GBX1: variants seen among roughly 807,000 people sequenced by gnomAD.
The protein encoded by GBX1 is homeobox protein GBX-1.
A neutral mutation model predicts 22.9 loss-of-function variants in GBX1; 9 were observed. The observed-to-expected ratio is 0.39, with a 90% CI of 0.24 to 0.69. The LOEUF (loss-of-function observed/expected upper bound fraction) is 0.69. GBX1 is among the 30% of genes least tolerant of loss of function. GBX1 has a pLI of 0.43. For synonymous variants in GBX1, 203 were observed against 227.3 expected, an observed-to-expected ratio of 0.89 and a Z score of 0.96; for missense variants, 494 against 509.2, an observed-to-expected ratio of 0.97 and a Z score of 0.29.
At chr7:151,157,686 G>A (rs181469686) in intron 1 of GBX1, among the ~76,000 whole-genome samples, 302 of 152,188 alleles carry the variant, frequency 2.0e-3, no homozygotes, top group Non-Finnish European at 2.7e-3. Flanking sequence ...AGCAGTACCC[G>A]CTTCCTTTAG....
chr7:151,157,261 A>G (rs534944933), intron 1 of GBX1, among the ~76,000 whole-genome samples: 7 of 152,290 alleles, frequency 4.6e-5, no homozygotes, highest in African/African-American at 1.7e-4. Context: ...GCGCCACTGC[A>G]CTCCAGCCTG....
At chr7:151,150,251 T>G (rs745788029) in intron 1 of GBX1, among the ~76,000 whole-genome samples, 1 of 152,242 alleles carries the variant, frequency 6.6e-6, no homozygotes. Context: ...GCATTACACA[T>G]GTTTTCAGTG....
At chr7:151,154,981 AT>A (rs1265697332) in intron 1 of GBX1, among the ~76,000 whole-genome samples, 1 of 152,160 alleles carries the variant, frequency 6.6e-6, no homozygotes, top group Non-Finnish European at 1.5e-5. Flanking sequence ...GGACAACTTT[AT>A]GCTCCCAACT....
chr7:151,149,169 G>A (rs959243329), intron 1 of GBX1, 27 bp from the exon 2 acceptor site: 75 of 1,576,932 alleles, frequency 4.8e-5, no homozygotes, highest in Non-Finnish European at 6.4e-5. Flanking sequence ...GCCAATGGAT[G>A]GGGAGGGAGA....
chr7:151,162,177 G>A lies in GBX1; in HGVS notation c.538+4834C>T, dbSNP rs148530489. On this transcript the variant is annotated intron_variant, in intron 1 of 1. Coordinates refer to ENST00000297537, the MANE Select transcript of GBX1 (RefSeq NM_001098834.3). The stretch of plus-strand genomic sequence containing the variant: ...TGTCAATGCAGCAATCACTCTGACT[G>A]TATGCTCAAAAGTTCTAGGAAAACA... Among the ~76,000 whole-genome samples, 229 of 152,276 alleles carry A rather than the reference G, an allele frequency of 1.5e-3. 1 individual carries two copies. The Middle Eastern group carries it at 0.017, about 11-fold the overall frequency.
At chr7:151,151,606 C>A (rs1394818983) in intron 1 of GBX1, among the ~76,000 whole-genome samples, 1 of 152,248 alleles carries the variant, frequency 6.6e-6, no homozygotes, top group Admixed American at 6.5e-5. Context: ...ACTGCATCCT[C>A]TGTGTGTTCA....
chr7:151,156,524 TA>T (rs1003578232), intron 1 of GBX1, among the ~76,000 whole-genome samples: 1 of 151,738 alleles, frequency 6.6e-6, no homozygotes, highest in Non-Finnish European at 1.5e-5. Context: ...AGAAGATTCT[TA>T]AAATTGTCAT....
chr7:151,162,452 C>G (rs1377128085), intron 1 of GBX1, among the ~76,000 whole-genome samples: 5 of 152,148 alleles, frequency 3.3e-5, no homozygotes. Context: ...TCCCCGGTCT[C>G]CTTGCATGAT....
chr7:151,156,385 C>CAAAAAAAAAAAAAA (rs56947735), intron 1 of GBX1, among the ~76,000 whole-genome samples: 3 of 15,926 alleles, frequency 1.9e-4, no homozygotes, highest in East Asian at 1.9e-3. Flanking sequence ...GACCCTGTCT[C>CAAAAAAAAAAAAAA]AAAAAAAAAA....
rs1457375628 is a variant in GBX1 at position 151,152,012 on chromosome 7, A to C, written c.539-2870T>G. 5.3e-5 allele frequency among the ~76,000 whole-genome samples: 8 copies of C among 152,126 alleles called. No individual in the cohort carries two copies. In the East Asian group the frequency reaches 1.5e-3, roughly 29 times the overall value. On this transcript the variant is annotated intron_variant, in intron 1 of 1. Transcript: ENST00000297537. ...TCCGATTTATTTGTTACTTTGGTCC[A>C]TTTTACCAATTTTATTCATTTATTT...
chr7:151,159,478 A>G (rs1270939945), intron 1 of GBX1, among the ~76,000 whole-genome samples: 1 of 152,160 alleles, frequency 6.6e-6, no homozygotes, highest in African/African-American at 2.4e-5. Flanking sequence ...TCAACCTCTC[A>G]GACTCCAGCA....
At chr7:151,154,340 TG>T (rs1801111591) in intron 1 of GBX1, among the ~76,000 whole-genome samples, 2 of 152,210 alleles carry the variant, frequency 1.3e-5, no homozygotes, top group Admixed American at 6.5e-5. Context: ...AAATTTCCTA[TG>T]GAAAATAATG....
intron 1 of GBX1, among the ~76,000 whole-genome samples, chr7:151,166,484 C>CAA (rs1231520532): frequency 5.6e-5 from 7 of 125,810 alleles, no homozygotes; most frequent in African/African-American, 2.1e-4. Flanking sequence ...ACCCCCCCCC[C>CAA]CCAACACACA....
At position 151,167,307 on chromosome 7, in the gene GBX1, C is replaced by T; in HGVS notation, c.242G>A (p.Gly81Asp). Residue 81 changes from glycine to aspartate, a missense_variant, in exon 1 of 2, where the codon GGC becomes GAC. Gly to Asp is a moderately conservative substitution (Grantham distance 94). Coordinates refer to ENST00000297537, the MANE Select transcript of GBX1 (RefSeq NM_001098834.3). The surrounding 1 kb of genome is among the most constrained non-coding windows in gnomAD (Gnocchi z 5.9). ...CGCGCAGAAGGTGTTGGTAAGGCGGCCGGCGAAAGAGGCTAGCGGGGCGAG... is the reference window on the plus strand; with the variant it reads ...CGCGCAGAAGGTGTTGGTAAGGCGGTCGGCGAAAGAGGCTAGCGGGGCGAG... ...PPLAPLASFAGRLTNTFCAGL... is the reference protein window; with the variant it reads ...PPLAPLASFADRLTNTFCAGL... The T allele has an allele frequency of 6.6e-7, 1 of 1,524,748 alleles. No homozygotes were observed. The allele number at this position is 1,524,748 out of a possible 1,614,324, so 94.5% of individuals were successfully genotyped here.
At chr7:151,158,453 TTTTG>T (rs1167320790) in intron 1 of GBX1, among the ~76,000 whole-genome samples, 2 of 151,778 alleles carry the variant, frequency 1.3e-5, no homozygotes, top group African/African-American at 4.8e-5. Flanking sequence ...GTTTTTTTGT[TTTTG>T]TTTTTGTTTT....
chr7:151,163,643 A>C (rs924121544), intron 1 of GBX1, among the ~76,000 whole-genome samples: 2 of 152,222 alleles, frequency 1.3e-5, no homozygotes, highest in African/African-American at 4.8e-5. Context: ...GAGTTAAATA[A>C]AATTAAAATT....
intron 1 of GBX1, among the ~76,000 whole-genome samples, chr7:151,156,702 T>C (rs1801139225): frequency 6.6e-6 from 1 of 152,082 alleles, no homozygotes; most frequent in Non-Finnish European, 1.5e-5. Flanking sequence ...AATGCATTTT[T>C]GGCTGGGCAC....
chr7:151,150,948 C>T (rs908681352), intron 1 of GBX1, among the ~76,000 whole-genome samples: 1 of 152,144 alleles, frequency 6.6e-6, no homozygotes, highest in African/African-American at 2.4e-5. Flanking sequence ...CCCAGGCTGG[C>T]CTTGAGCTTC....
In GBX1 at chr7:151,148,196, A is replaced by T. The variant is rs1012701385; in HGVS notation, c.*393T>A. On this transcript the variant is annotated 3_prime_UTR_variant, in exon 2 of 2. Transcript: ENST00000297537. The surrounding 1 kb of genome is among the most constrained non-coding windows in gnomAD (Gnocchi z 5.1). ...TTACACAAATAAATAAGGAGCTGCG[A>T]TCTACTTGGCTAGGTATCGCCTGTT... 6.6e-6 allele frequency among the ~76,000 whole-genome samples: 1 copy of T among 152,188 alleles called. No individual in the cohort carries two copies. Among genetic ancestry groups the T allele is most frequent in the Non-Finnish European group, 1.5e-5 (1 of 68,024 alleles).
Sources: allele counts gnomAD v4.1 joint callset (sites outside exome capture counted in the v4.1 genomes callset), GRCh38; gene constraint gnomAD v4.1.1; non-coding constraint Gnocchi (gnomAD v3.1); transcripts MANE v1.5; gene names NCBI Gene and HGNC (gene_info 2026-07-23, HGNC 2026-07-21).